CHERP: variants seen among roughly 807,000 people sequenced by gnomAD.
CHERP encodes the protein calcium homeostasis endoplasmic reticulum protein.
A neutral mutation model predicts 113.8 loss-of-function variants in CHERP; 8 were observed. That is an observed-to-expected ratio of 0.07 (90% CI 0.04 to 0.13). CHERP has a LOEUF of 0.13. Among genes scored for constraint, CHERP ranks in the 10% least tolerant of loss-of-function variants. CHERP has a pLI of 1.00. For missense variants in CHERP, 884 were observed against 1,298.2 expected (o/e 0.68, Z 4.90); for synonymous variants, 559 against 524.5 (o/e 1.07, Z -0.90).
rs780905129 is a variant in CHERP, at chr19:16,528,197, C to T, written c.1188G>A (p.Gly396=). ...PGSSEYEAPG[G]VQDPAAAGPR... ...GGCCGGCAGCTGCAGGATCCTGGAC[C>T]CCTCCTGGAGCTTCGTACTCTGAAG... Residue 396 remains glycine, a synonymous_variant, in exon 9 of 17, where the codon GGG becomes GGA. Coordinates refer to ENST00000546361, the MANE Select transcript of CHERP (RefSeq NM_006387.6). 1 of 1,611,200 alleles carries T rather than the reference C, an allele frequency of 6.2e-7. No individual in the cohort carries two copies. Among genetic ancestry groups the T allele is most frequent in the Non-Finnish European group, 8.5e-7 (1 of 1,178,964 alleles).
chr19:16,531,567 G>C (rs1352035075), intron 5 of CHERP, among the ~76,000 whole-genome samples: 1 of 152,334 alleles, frequency 6.6e-6, no homozygotes, highest in East Asian at 1.9e-4. Flanking sequence ...TGCCGCAGGG[G>C]GCTCAGGGGA....
chr19:16,542,328 G>T, intron 1 of CHERP, 26 bp downstream of exon 1: 2 of 1,410,836 alleles, frequency 1.4e-6, no homozygotes, highest in Non-Finnish European at 9.3e-7. Context: ...AGAGAGAAAC[G>T]GTCTCTCGGC....
intron 2 of CHERP, 52 bp downstream of exon 2, chr19:16,541,818 T>G: frequency 6.4e-7 from 1 of 1,570,804 alleles, no homozygotes; most frequent in South Asian, 1.2e-5. Context: ...CGGACTGGAA[T>G]CCGAGAAAGG....
In CHERP at chr19:16,525,171, G is replaced by T; in HGVS notation, c.1741+71C>A. 1 of 1,313,878 alleles carries T rather than the reference G, an allele frequency of 7.6e-7. No individual in the cohort carries two copies. Among genetic ancestry groups the T allele is most frequent in the Non-Finnish European group, 9.9e-7 (1 of 1,005,554 alleles). The allele number at this position is 1,313,878 out of a possible 1,614,324, so 81.4% of individuals were successfully genotyped here. On this transcript the variant is annotated intron_variant, in intron 10 of 16. Transcript: ENST00000546361. This position sits in a 1 kb window ranked among gnomAD's most constrained non-coding sequence, Gnocchi z 6.5. ...GGAGCATGGCAGGGCCACAAGCAGC[G>T]CCACCAGCCTGCTCGGCAGGCGAGC... is the stretch of plus-strand genomic sequence containing the variant.
intron 12 of CHERP, 26 bp downstream of exon 12, chr19:16,521,495 C>T (rs376893986): frequency 6.5e-5 from 101 of 1,542,172 alleles, no homozygotes; most frequent in Admixed American, 1.2e-4. Context: ...GGCCTCCCGC[C>T]CACCCCACTG....
Position 16,523,008 on chromosome 19 carries a change from G to C in CHERP, c.1980+44C>G. The C allele has an allele frequency of 1.3e-6, 2 of 1,482,934 alleles. No individual in the cohort carries two copies. The highest frequency in any genetic ancestry group is 1.8e-6 in the Non-Finnish European group (2 of 1,119,262). The allele number at this position is 1,482,934 out of a possible 1,614,324, so 91.9% of individuals were successfully genotyped here. Reference sequence around the variant, plus strand: ...TTTTCACAAGGAGAAACGGGGACCAGTATGGTAAGCGTGCTCAGCTTGGAG... The same window carrying C: ...TTTTCACAAGGAGAAACGGGGACCACTATGGTAAGCGTGCTCAGCTTGGAG... On this transcript the variant is annotated intron_variant, in intron 11 of 16. Transcript: ENST00000546361. This position sits in a 1 kb window ranked among gnomAD's most constrained non-coding sequence, Gnocchi z 4.0.
Position 16,532,537 on chromosome 19 carries a change from C to G in CHERP, c.674+61G>C. On this transcript the variant is annotated intron_variant, in intron 5 of 16. Coordinates refer to ENST00000546361, the MANE Select transcript of CHERP (RefSeq NM_006387.6). The surrounding 1 kb of genome is among the most constrained non-coding windows in gnomAD (Gnocchi z 4.4). ...CTACCGACCGGAGCAAGCGGCCACC[C>G]AGGAGGGTTGAGGAGGAGCGCGAGG... 1.3e-6 allele frequency: 2 copies of G among 1,500,662 alleles called. No homozygotes were observed. Among genetic ancestry groups the G allele is most frequent in the Non-Finnish European group, 1.8e-6 (2 of 1,122,264 alleles). The allele number at this position is 1,500,662 out of a possible 1,614,324, so 93.0% of individuals were successfully genotyped here.
intron 5 of CHERP, among the ~76,000 whole-genome samples, chr19:16,531,746 C>T (rs73023062): frequency 0.043 from 6,583 of 152,198 alleles, 195 homozygotes; most frequent in Non-Finnish European, 0.062. Context: ...GGTGCCGAGC[C>T]GCAACTCACT....
In CHERP at chr19:16,535,315, C is replaced by A; in HGVS notation, c.384+137G>T. The A allele has an allele frequency of 2.3e-6, 2 of 881,248 alleles. No individual in the cohort carries two copies. Among genetic ancestry groups the A allele is most frequent in the Non-Finnish European group, 3.5e-6 (2 of 576,884 alleles). 54.6% of individuals were successfully genotyped at this position (881,248 alleles called of 1,614,324 possible). On this transcript the variant is annotated intron_variant, in intron 3 of 16. Transcript: ENST00000546361. The surrounding 1 kb of genome is among the most constrained non-coding windows in gnomAD (Gnocchi z 4.3). ...GCATCAGGGCTGGGGGTGACAGTGG[C>A]TGACATGCACCGAGCCCTGGGTGGC...
chr19:16,524,524 C>A (rs1344540381), intron 10 of CHERP, among the ~76,000 whole-genome samples: 1 of 151,082 alleles, frequency 6.6e-6, no homozygotes, highest in Admixed American at 6.6e-5. Flanking sequence ...CCATTGCACT[C>A]CAGCCTGGGC....
At position 16,532,455 on chromosome 19, in the gene CHERP, C is replaced by G; in HGVS notation, c.674+143G>C. Reference sequence around the variant, plus strand: ...CAGAAGCCTGGTGGCTCACAGAGACCCCCCACCCGGGGTCCCCGGACAAGT... The same window carrying G: ...CAGAAGCCTGGTGGCTCACAGAGACGCCCCACCCGGGGTCCCCGGACAAGT... On this transcript the variant is annotated intron_variant, in intron 5 of 16. Coordinates refer to ENST00000546361, the MANE Select transcript of CHERP (RefSeq NM_006387.6). The surrounding 1 kb of genome is among the most constrained non-coding windows in gnomAD (Gnocchi z 4.4). 3 of 1,033,116 alleles carry G rather than the reference C, an allele frequency of 2.9e-6. No homozygotes were observed. Among genetic ancestry groups the G allele is most frequent in the Non-Finnish European group, 4.1e-6 (3 of 734,172 alleles). The allele number at this position is 1,033,116 out of a possible 1,614,324, so 64.0% of individuals were successfully genotyped here.
rs766931490 is a variant in CHERP at position 16,530,752 on chromosome 19, G to A, written c.786+17C>T. The A allele has an allele frequency of 5.0e-6, 8 of 1,613,748 alleles. No homozygotes were observed. The East Asian group carries it at 6.7e-5, about 13-fold the overall frequency. ...GTGTCCCGGTCTTGCCCAACCCCCG[G>A]CCCGGGGCCCACGCACCCGGGCGAT... is the stretch of plus-strand genomic sequence containing the variant. On this transcript the variant is annotated intron_variant, in intron 6 of 16. Transcript: ENST00000546361. This position sits in a 1 kb window ranked among gnomAD's most constrained non-coding sequence, Gnocchi z 4.1.
chr19:16,529,618 G>A, intron 8 of CHERP, 30 bp downstream of exon 8: 2 of 1,530,390 alleles, frequency 1.3e-6, no homozygotes, highest in Non-Finnish European at 1.8e-6. Context: ...CTGTTTCCTG[G>A]GGGCAGGCTG....
At chr19:16,529,990 G>A in intron 7 of CHERP, 90 bp from the exon 8 acceptor site, 1 of 1,491,972 alleles carries the variant, frequency 6.7e-7, no homozygotes. Context: ...AAGCAGCAGA[G>A]CCTGGGGGAC....
chr19:16,536,883 G>A (rs1599754796), intron 2 of CHERP, among the ~76,000 whole-genome samples: 1 of 152,136 alleles, frequency 6.6e-6, no homozygotes, highest in African/African-American at 2.4e-5. Flanking sequence ...GTGGTGGCGG[G>A]CACCTGTAAT....
chr19:16,531,696 G>A (rs867734250), intron 5 of CHERP, among the ~76,000 whole-genome samples: 5 of 152,244 alleles, frequency 3.3e-5, no homozygotes, highest in Admixed American at 1.3e-4. Context: ...TCAGAGGCAG[G>A]GAGAAATGGA....
intron 2 of CHERP, among the ~76,000 whole-genome samples, chr19:16,537,631 G>A (rs1259872990): frequency 6.6e-6 from 1 of 151,890 alleles, no homozygotes; most frequent in Non-Finnish European, 1.5e-5. Flanking sequence ...CCAGTGACGA[G>A]CCACATAGTG....
rs1188695973 is a variant in CHERP, at chr19:16,518,021, A to G, written c.*1138T>C. The G allele has an allele frequency of 6.6e-6, 1 of 152,226 alleles. No homozygotes were observed. Among genetic ancestry groups the G allele is most frequent in the Admixed American group, 6.5e-5 (1 of 15,284 alleles). The allele number at this position is 152,226 out of a possible 1,614,324, so 9.4% of individuals were successfully genotyped here. ...TCACAGCTACAGGAAATCTAGAACA[A>G]AATCAAATATTCATCACGTTGGGTT... On this transcript the variant is annotated 3_prime_UTR_variant, in exon 17 of 17. Transcript: ENST00000546361.
At position 16,518,356 on chromosome 19, in the gene CHERP, C is replaced by A. The variant is rs2085567281; in HGVS notation, c.*803G>T. ...AAACTCAAGCAGGGGACGCGACGGG[C>A]ACAGACTCCGAGGCAGCGCTCAACC... On this transcript the variant is annotated 3_prime_UTR_variant, in exon 17 of 17. Coordinates refer to ENST00000546361, the MANE Select transcript of CHERP (RefSeq NM_006387.6). 1 of 152,046 alleles carries A rather than the reference C, an allele frequency of 6.6e-6. No homozygotes were observed. The highest frequency in any genetic ancestry group is 2.4e-5 in the African/African-American group (1 of 41,384). 9.4% of individuals were successfully genotyped at this position (152,046 alleles called of 1,614,324 possible).
Sources: gnomAD v4.1 joint callset for allele counts (sites outside exome capture counted in the v4.1 genomes callset) on GRCh38, gnomAD v4.1.1 for gene constraint, Gnocchi (gnomAD v3.1) non-coding constraint, MANE v1.5 for transcripts, NCBI Gene and HGNC (gene_info 2026-07-23, HGNC 2026-07-21) for gene names.